CYRIB: variants seen among roughly 807,000 people sequenced by gnomAD.
The protein encoded by CYRIB is CYFIP related Rac1 interactor B, also known as CYFIP-related Rac1 interactor B.
A neutral mutation model predicts 44.2 loss-of-function variants in CYRIB; 8 were observed. The ratio of observed to expected loss-of-function variants is 0.18; its 90% CI spans 0.11 to 0.33. The LOEUF is 0.33. CYRIB is among the 10% of genes least tolerant of loss of function. The pLI is 1.00. For missense variants in CYRIB, 185 were observed against 382.8 expected, an observed-to-expected ratio of 0.48 and a Z score of 4.31; for synonymous variants, 131 against 127.2, an observed-to-expected ratio of 1.03 and a Z score of -0.20.
chr8:129,847,011 G>C, intron 10 of CYRIB, 137 bp from the exon 13 acceptor site: 1 of 547,944 alleles, frequency 1.8e-6, no homozygotes, highest in Non-Finnish European at 3.1e-6. Flanking sequence ...ATTATTCTTA[G>C]AACAGAAAAA....
intron 1 of CYRIB, among the ~76,000 whole-genome samples, chr8:130,014,958 C>T (rs2097307721): frequency 6.6e-6 from 1 of 152,262 alleles, no homozygotes; most frequent in South Asian, 2.1e-4. Flanking sequence ...TGGCTGTTGG[C>T]CTCAGCCAGT....
At chr8:129,980,768 G>C (rs988794531) in intron 1 of CYRIB, among the ~76,000 whole-genome samples, 1 of 152,092 alleles carries the variant, frequency 6.6e-6, no homozygotes, top group Non-Finnish European at 1.5e-5. Flanking sequence ...AATCGGTTGA[G>C]CTCAGGAGGT....
chr8:129,939,172 T>G (rs1330520352), intron 1 of CYRIB, among the ~76,000 whole-genome samples: 1 of 146,588 alleles, frequency 6.8e-6, no homozygotes, highest in African/African-American at 2.5e-5. Context: ...GGTGTGGAGC[T>G]GGGGACGGGA....
intron 1 of CYRIB, among the ~76,000 whole-genome samples, chr8:129,906,697 T>C (rs1316644383): frequency 6.6e-6 from 1 of 152,188 alleles, no homozygotes; most frequent in Non-Finnish European, 1.5e-5. Flanking sequence ...TTTTGCAATC[T>C]ACTCATCTGA....
Position 130,014,951 on chromosome 8 carries a change from C to T in CYRIB, c.-296+1419G>A, listed in dbSNP as rs962463526. Among the ~76,000 whole-genome samples, 10 of 152,246 alleles carry T rather than the reference C, an allele frequency of 6.6e-5. No individual in the cohort carries two copies. The East Asian group carries it at 1.9e-3, about 29-fold the overall frequency. On this transcript the variant is annotated intron_variant, in intron 1 of 14. Coordinates refer to the CYRIB transcript ENST00000401979. ...GACGTCAGCCCTGGCTCAGTCTTGG[C>T]TGTTGGCCTCAGCCAGTCACCTGGC...
chr8:129,877,947 G>C (rs1376112883), intron 3 of CYRIB, among the ~76,000 whole-genome samples: 1 of 152,042 alleles, frequency 6.6e-6, no homozygotes, highest in African/African-American at 2.4e-5. Context: ...TGAAACAGAT[G>C]CAAATAAACT....
chr8:129,843,298 C>T (rs926453529), intron 11 of CYRIB, among the ~76,000 whole-genome samples: 1 of 152,160 alleles, frequency 6.6e-6, no homozygotes, highest in African/African-American at 2.4e-5. Flanking sequence ...GCCAGTGGAG[C>T]ATATTAAGCA....
chr8:129,886,755 T>A (rs1189473967), intron 2 of CYRIB, among the ~76,000 whole-genome samples: 1 of 151,768 alleles, frequency 6.6e-6, no homozygotes, highest in African/African-American at 2.4e-5. Flanking sequence ...ACTCCCCTCA[T>A]CCTCCTCAAC....
intron 8 of CYRIB, chr8:129,851,146 T>C (rs900884463): frequency 4.0e-6 from 2 of 495,878 alleles, no homozygotes; most frequent in Non-Finnish European, 3.6e-6. Context: ...ATTCCAGCAA[T>C]GTAAGAACAA....
intron 1 of CYRIB, among the ~76,000 whole-genome samples, chr8:129,974,718 A>AT (rs1292357531): frequency 4.5e-4 from 64 of 143,160 alleles, no homozygotes; most frequent in African/African-American, 4.6e-4. Context: ...AAAATCACAG[A>AT]TTTTTTTTTT....
intron 2 of CYRIB, chr8:129,880,257 CTTTG>C (rs1467943549): frequency 2.3e-6 from 1 of 434,800 alleles, no homozygotes; most frequent in Middle Eastern, 1.2e-3. Flanking sequence ...ATCATGCAAC[CTTTG>C]TTTGATTCCC....
At chr8:129,893,113 A>G (rs1041097860) in intron 2 of CYRIB, among the ~76,000 whole-genome samples, 1 of 152,244 alleles carries the variant, frequency 6.6e-6, no homozygotes, top group African/African-American at 2.4e-5. Context: ...CCAACAAAAA[A>G]GCTTAGAATG....
chr8:129,895,854 G>A (rs1328108375), intron 2 of CYRIB, among the ~76,000 whole-genome samples: 3 of 152,242 alleles, frequency 2.0e-5, no homozygotes, highest in Admixed American at 6.5e-5. Context: ...AATTACAGGC[G>A]TGAGCCACTG....
chr8:129,967,974 C>A (rs2095551545), intron 2 of CYRIB, among the ~76,000 whole-genome samples: 5 of 152,150 alleles, frequency 3.3e-5, no homozygotes, highest in Admixed American at 3.3e-4. Flanking sequence ...GGTGATTTCC[C>A]ATAGTATAAT....
intron 2 of CYRIB, among the ~76,000 whole-genome samples, chr8:129,890,246 A>G (rs1226568256): frequency 1.3e-5 from 2 of 152,204 alleles, no homozygotes; most frequent in African/African-American, 4.8e-5. Context: ...TATGCTACAG[A>G]GAAATCTTTC....
Position 129,887,132 on chromosome 8 carries a change from CAG to C in CYRIB, c.-10-7663_-10-7662del, listed in dbSNP as rs918122239. Among the ~76,000 whole-genome samples, 15 of 152,298 alleles carry C rather than the reference CAG, an allele frequency of 9.8e-5. No homozygotes were observed. The East Asian group carries it at 1.4e-3, about 14-fold the overall frequency. On this transcript the variant is annotated intron_variant, in intron 2 of 11. Transcript: ENST00000519824. ...GTGGCAGCCCCTCCCACCACAGACT[CAG>C]AGGCCAAGAGGGGAAGAATGGTTTC...
chr8:129,887,604 C>A (rs2063304895), intron 2 of CYRIB, among the ~76,000 whole-genome samples: 1 of 152,186 alleles, frequency 6.6e-6, no homozygotes, highest in Non-Finnish European at 1.5e-5. Context: ...ACACTCAATG[C>A]CAGCCCTTGA....
At chr8:129,877,191 A>G (rs2059390738) in intron 3 of CYRIB, among the ~76,000 whole-genome samples, 1 of 152,228 alleles carries the variant, frequency 6.6e-6, no homozygotes, top group Admixed American at 6.5e-5. Context: ...TGCTGTCACT[A>G]AATTTCATTT....
At chr8:129,998,562 A>C (rs1470044135) in intron 1 of CYRIB, among the ~76,000 whole-genome samples, 1 of 152,170 alleles carries the variant, frequency 6.6e-6, no homozygotes, top group Non-Finnish European at 1.5e-5. Flanking sequence ...CTGCTGACGA[A>C]ATTTCCCATT....
Sources: allele counts gnomAD v4.1 joint callset (sites outside exome capture counted in the v4.1 genomes callset), GRCh38; gene constraint gnomAD v4.1.1; transcripts MANE v1.5; gene names NCBI Gene and HGNC (gene_info 2026-07-23, HGNC 2026-07-21).